The following DNAH12 variants were observed in gnomAD, a reference collection of about 807,000 sequenced individuals.
DNAH12 encodes axonemal beta dynein heavy chain 12.
A neutral mutation model predicts 371.5 loss-of-function variants in DNAH12; 285 were observed. That is an observed-to-expected ratio of 0.77 (90% confidence interval 0.70 to 0.85). The LOEUF (loss-of-function observed/expected upper bound fraction) is 0.85, where lower values mean the gene tolerates loss of function less well. DNAH12 is among the 40% of genes least tolerant of loss of function. DNAH12 has a pLI of 0.00. For missense variants in DNAH12, 3,611 were observed against 3,689.4 expected, an observed-to-expected ratio of 0.98 and a Z score of 0.55; for synonymous variants, 1,200 against 1,213.0, an observed-to-expected ratio of 0.99 and a Z score of 0.22.
chr3:57,495,389 T>C (rs1217043400), intron 11 of DNAH12, among the ~76,000 whole-genome samples: 1 of 151,318 alleles, frequency 6.6e-6, no homozygotes, highest in Non-Finnish European at 1.5e-5. Context: ...TGAAACCCCA[T>C]GGCTACTAAA....
At chr3:57,463,913 T>G (rs1481679374) in intron 17 of DNAH12, among the ~76,000 whole-genome samples, 2 of 151,756 alleles carry the variant, frequency 1.3e-5, no homozygotes, top group African/African-American at 2.4e-5. Flanking sequence ...GATTACAGAC[T>G]CCTGAGTAGC....
At chr3:57,447,127 T>A (rs1320514481) in intron 25 of DNAH12, among the ~76,000 whole-genome samples, 1 of 152,218 alleles carries the variant, frequency 6.6e-6, no homozygotes, top group African/African-American at 2.4e-5. Flanking sequence ...TATTATATAA[T>A]TTTGTCTACG....
chr3:57,402,946 A>G (rs2063915043), intron 43 of DNAH12, among the ~76,000 whole-genome samples: 1 of 152,212 alleles, frequency 6.6e-6, no homozygotes, highest in South Asian at 2.1e-4. Context: ...ATGTACAAAT[A>G]TTATACATCA....
At chr3:57,356,688 G>A (rs1221995995) in intron 59 of DNAH12, among the ~76,000 whole-genome samples, 1 of 151,906 alleles carries the variant, frequency 6.6e-6, no homozygotes, top group Non-Finnish European at 1.5e-5. Context: ...AAATAGAAAA[G>A]AGGTTTTGAT....
At chr3:57,389,873 G>A (rs1667547954) in intron 45 of DNAH12, among the ~76,000 whole-genome samples, 1 of 120,168 alleles carries the variant, frequency 8.3e-6, no homozygotes, top group Non-Finnish European at 1.9e-5. Flanking sequence ...GTTTCACTCT[G>A]TTGCCAGGTT....
At chr3:57,534,671 G>A (rs1436582433) in intron 2 of DNAH12, among the ~76,000 whole-genome samples, 2 of 152,000 alleles carry the variant, frequency 1.3e-5, no homozygotes, top group African/African-American at 2.4e-5. Context: ...ACCATGCCCG[G>A]CTAATTTTTG....
rs1343732615 is a variant in DNAH12, at chr3:57,405,696, G to A, written c.6533C>T (p.Ser2178Leu). 1.9e-6 allele frequency: 3 copies of A among 1,551,508 alleles called. No homozygotes were observed. The highest frequency in any genetic ancestry group is 1.4e-5 in the African/African-American group (1 of 73,034). ...CAAATGTGAAAAGATACTGTGAAAT[G>A]ATTCTTTAAAATGGTCCTTTATAAC... ...KTVIKDHFKE[S>L]FHSIFSHLRK... The change falls in exon 41 of 74, where the codon TCA becomes TTA. Residue 2178 changes from serine (S) to leucine (L), a missense_variant. Transcript: ENST00000495027.
intron 11 of DNAH12, among the ~76,000 whole-genome samples, chr3:57,494,213 C>G (rs1009199124): frequency 6.6e-6 from 1 of 152,050 alleles, no homozygotes; most frequent in African/African-American, 2.4e-5. Context: ...GTCTGGATAA[C>G]AGAGTGAGAC....
At chr3:57,535,018 CACA>C in intron 2 of DNAH12, among the ~76,000 whole-genome samples, 1 of 152,306 alleles carries the variant, frequency 6.6e-6, no homozygotes, top group East Asian at 1.9e-4. Context: ...ATTTAATTCT[CACA>C]ACATTCCTAA....
chr3:57,514,969 T>C (rs1451544360), intron 4 of DNAH12, among the ~76,000 whole-genome samples: 2 of 152,170 alleles, frequency 1.3e-5, no homozygotes, highest in Non-Finnish European at 2.9e-5. Context: ...TTATGTATAC[T>C]CTAGGATTTA....
intron 11 of DNAH12, among the ~76,000 whole-genome samples, chr3:57,495,630 T>TA (rs1261742448): frequency 6.1e-5 from 9 of 146,506 alleles, no homozygotes; most frequent in Admixed American, 2.8e-4. Context: ...ATTATATATA[T>TA]TTTTATGTAT....
At chr3:57,296,280 G>C in intron 72 of DNAH12, 64 bp downstream of exon 72, 1 of 1,255,948 alleles carries the variant, frequency 8.0e-7, no homozygotes, top group South Asian at 1.6e-5. Context: ...TTAAGCAACA[G>C]ATTGCTTATC....
At chr3:57,533,533 T>C (rs2068921996) in intron 2 of DNAH12, among the ~76,000 whole-genome samples, 2 of 142,926 alleles carry the variant, frequency 1.4e-5, no homozygotes, top group South Asian at 4.6e-4. Flanking sequence ...CTGATAGTTA[T>C]TCAAGGCCCA....
intron 17 of DNAH12, among the ~76,000 whole-genome samples, chr3:57,466,790 C>T (rs148428777): frequency 9.9e-5 from 15 of 152,096 alleles, no homozygotes; most frequent in Admixed American, 2.0e-4. Flanking sequence ...CTCTGTTGTG[C>T]CCAGGAGTGC....
chr3:57,295,028 G>T (rs2061204220), intron 73 of DNAH12, among the ~76,000 whole-genome samples: 1 of 152,166 alleles, frequency 6.6e-6, no homozygotes, highest in Non-Finnish European at 1.5e-5. Context: ...GCAGAAGCAG[G>T]GGAGGAGCAA....
intron 60 of DNAH12, among the ~76,000 whole-genome samples, chr3:57,339,457 A>C (rs2062338584): frequency 1.3e-5 from 2 of 152,062 alleles, no homozygotes; most frequent in Non-Finnish European, 2.9e-5. Context: ...TGGCAGGATA[A>C]GGATAAACTT....
intron 59 of DNAH12, among the ~76,000 whole-genome samples, chr3:57,354,821 C>G (rs2062760672): frequency 6.6e-6 from 1 of 152,088 alleles, no homozygotes; most frequent in Admixed American, 6.5e-5. Context: ...ATATACACAG[C>G]AACTTGAACA....
chr3:57,552,381 A>G, the DNAH12 span, among the ~76,000 whole-genome samples: 1 of 152,170 alleles, frequency 6.6e-6, no homozygotes, highest in Non-Finnish European at 1.5e-5. Flanking sequence ...ATAATTATCT[A>G]TTACTTCATT....
At chr3:57,466,887 A>G (rs1022654334) in intron 17 of DNAH12, among the ~76,000 whole-genome samples, 4 of 151,822 alleles carry the variant, frequency 2.6e-5, no homozygotes, top group Non-Finnish European at 5.9e-5. Context: ...CTGGGACTTC[A>G]GGTGTAGCTG....
Sources: allele counts gnomAD v4.1 joint callset (sites outside exome capture counted in the v4.1 genomes callset), GRCh38; gene constraint gnomAD v4.1.1; transcripts MANE v1.5; gene names NCBI Gene and HGNC (gene_info 2026-07-23, HGNC 2026-07-21).